Variants in SHISA9 observed in about 807,000 individuals in gnomAD.
SHISA9 encodes protein shisa-9.
Under a neutral mutation model 38.0 loss-of-function variants are expected in SHISA9, and 13 were observed. That is an observed-to-expected ratio of 0.34 (90% CI 0.22 to 0.54). The LOEUF (loss-of-function observed/expected upper bound fraction) is 0.54, where lower values mean the gene tolerates loss of function less well. Ranked by LOEUF, SHISA9 falls within the 20% of genes least tolerant of loss-of-function variation. SHISA9 has a pLI of 0.91. For missense variants in SHISA9, 538 were observed against 575.8 expected, an observed-to-expected ratio of 0.93 and a Z score of 0.67; for synonymous variants, 275 against 242.0, an observed-to-expected ratio of 1.14 and a Z score of -1.27.
chr16:13,008,253 T>C (rs998918166), intron 2 of SHISA9, among the ~76,000 whole-genome samples: 5 of 152,188 alleles, frequency 3.3e-5, no homozygotes, highest in African/African-American at 1.2e-4. Flanking sequence ...ATTGTGAATG[T>C]GTGCAGTTGT....
At chr16:13,119,596 G>A (rs1287194149) in intron 2 of SHISA9, among the ~76,000 whole-genome samples, 3 of 151,956 alleles carry the variant, frequency 2.0e-5, no homozygotes, top group Non-Finnish European at 4.4e-5. Flanking sequence ...TAATAATCAC[G>A]AATAACAAAT....
chr16:13,178,583 C>G (rs2050751723), intron 2 of SHISA9, among the ~76,000 whole-genome samples: 1 of 152,112 alleles, frequency 6.6e-6, no homozygotes. Context: ...TCATCTAGCT[C>G]CGAGATGCTG....
the SHISA9 span, among the ~76,000 whole-genome samples, chr16:13,313,672 C>A: frequency 3.9e-5 from 6 of 152,192 alleles, no homozygotes; most frequent in South Asian, 1.2e-3. Context: ...AAAAATATTT[C>A]TAATTGAAGT....
chr16:13,537,103 A>G, the SHISA9 span, among the ~76,000 whole-genome samples: 1 of 152,264 alleles, frequency 6.6e-6, no homozygotes, highest in South Asian at 2.1e-4. Flanking sequence ...ATGCACAAAA[A>G]TGTTTAACAT....
chr16:13,263,329 GGT>G, the SHISA9 span, among the ~76,000 whole-genome samples: 1 of 152,186 alleles, frequency 6.6e-6, no homozygotes, highest in Non-Finnish European at 1.5e-5. Context: ...CCATGTTGGA[GGT>G]GGGGCCTGGT....
At chr16:12,986,823 G>A (rs1373397354) in intron 2 of SHISA9, among the ~76,000 whole-genome samples, 1 of 152,206 alleles carries the variant, frequency 6.6e-6, no homozygotes, top group Non-Finnish European at 1.5e-5. Context: ...AAATACTGAG[G>A]CTTAGAGAGG....
At chr16:13,362,312 G>A in the SHISA9 span, among the ~76,000 whole-genome samples, 888 of 151,914 alleles carry the variant, frequency 5.8e-3, 15 homozygotes, top group African/African-American at 0.021. Context: ...GTGTGCTTCT[G>A]TAGTCCCAGC....
the SHISA9 span, among the ~76,000 whole-genome samples, chr16:13,530,295 C>T: frequency 5.9e-4 from 90 of 152,048 alleles, no homozygotes; most frequent in South Asian, 4.6e-3. Context: ...AGTGAGACTC[C>T]GTCTCAAAAA....
intron 4 of SHISA9, among the ~76,000 whole-genome samples, chr16:13,214,178 G>A (rs189157439): frequency 6.6e-6 from 1 of 152,192 alleles, no homozygotes; most frequent in Non-Finnish European, 1.5e-5. Flanking sequence ...CTGACCTAAG[G>A]AGGTGGAGGT....
At chr16:13,361,529 A>G in the SHISA9 span, among the ~76,000 whole-genome samples, 1 of 152,218 alleles carries the variant, frequency 6.6e-6, no homozygotes, top group Non-Finnish European at 1.5e-5. Context: ...CTTTTATAAA[A>G]TGGTACTATT....
At chr16:13,178,348 T>C (rs571003534) in intron 2 of SHISA9, among the ~76,000 whole-genome samples, 2 of 150,944 alleles carry the variant, frequency 1.3e-5, no homozygotes, top group Non-Finnish European at 3.0e-5. Flanking sequence ...TTTCTTTTCA[T>C]CTGTTAAATT....
At chr16:12,919,162 G>C (rs763102175) in intron 2 of SHISA9, among the ~76,000 whole-genome samples, 4 of 142,302 alleles carry the variant, frequency 2.8e-5, no homozygotes. Context: ...GCAGTCATCA[G>C]AGAACATTTT....
chr16:13,290,897 C>T, the SHISA9 span, among the ~76,000 whole-genome samples: 5 of 152,138 alleles, frequency 3.3e-5, no homozygotes, highest in Non-Finnish European at 5.9e-5. Flanking sequence ...GTTGACTGGG[C>T]CGGGACTAGA....
rs539967434 is a variant in SHISA9, at chr16:13,081,788, G to T, written c.692-121606G>T. 7.5e-4 allele frequency among the ~76,000 whole-genome samples: 114 copies of T among 151,082 alleles called. 1 individual carries two copies. Among genetic ancestry groups the T allele is most frequent in the African/African-American group, 1.9e-3 (76 of 40,900 alleles). Reference sequence around the variant, plus strand: ...AACTGCTTGAACCCGGGAGGCAGAGGTTGCAGTGAGGCAAGATTGCGCCAC... The same window carrying T: ...AACTGCTTGAACCCGGGAGGCAGAGTTTGCAGTGAGGCAAGATTGCGCCAC... On this transcript the variant is annotated intron_variant, in intron 2 of 4. Transcript: ENST00000558583.
At chr16:13,290,681 T>C in the SHISA9 span, among the ~76,000 whole-genome samples, 35 of 152,230 alleles carry the variant, frequency 2.3e-4, no homozygotes, top group African/African-American at 8.2e-4. Flanking sequence ...CCTCCCTCTC[T>C]CTGGTTTCCA....
the SHISA9 span, among the ~76,000 whole-genome samples, chr16:13,384,537 A>G: frequency 6.6e-6 from 1 of 152,062 alleles, no homozygotes; most frequent in Admixed American, 6.6e-5. Flanking sequence ...AATGGTATCC[A>G]TTTTTCTCTA....
the SHISA9 span, among the ~76,000 whole-genome samples, chr16:13,347,842 C>A: frequency 1.4e-5 from 1 of 70,636 alleles, no homozygotes; most frequent in Admixed American, 1.6e-4. Flanking sequence ...ATAACGTACC[C>A]CCCCACAAAG....
chr16:13,212,821 G>T (rs1435493873), intron 3 of SHISA9, among the ~76,000 whole-genome samples: 3 of 152,178 alleles, frequency 2.0e-5, no homozygotes, highest in East Asian at 1.9e-4. Context: ...CCCCTTTTCA[G>T]GAGGGGGATT....
chr16:13,042,616 C>T (rs1208053897), intron 2 of SHISA9, among the ~76,000 whole-genome samples: 2 of 152,058 alleles, frequency 1.3e-5, no homozygotes, highest in South Asian at 2.1e-4. Context: ...TTTTCTGGTC[C>T]TTTGGTGTCT....
Sources: gnomAD v4.1 joint callset for allele counts (sites outside exome capture counted in the v4.1 genomes callset) on GRCh38, gnomAD v4.1.1 for gene constraint, MANE v1.5 for transcripts, NCBI Gene and HGNC (gene_info 2026-07-23, HGNC 2026-07-21) for gene names.